ARMH4: variants seen among roughly 807,000 people sequenced by gnomAD.
The protein encoded by ARMH4 is armadillo like helical domain containing 4, also known as armadillo-like helical domain-containing protein 4.
Under a neutral mutation model 61.9 loss-of-function variants are expected in ARMH4, and 49 were observed. That is an observed-to-expected ratio of 0.79 (90% confidence interval 0.63 to 1.00). The LOEUF is 1.00. ARMH4 is among the 50% of genes least tolerant of loss of function. The probability of loss-of-function intolerance (pLI) is 0.00; values close to 1 mark genes in which losing one functional copy is unlikely to be tolerated. For synonymous variants in ARMH4, 368 were observed against 341.5 expected (o/e 1.08, Z -0.85); for missense variants, 934 against 930.0 (o/e 1.00, Z -0.06).
chr14:58,102,861 C>T (rs545794685), intron 4 of ARMH4, among the ~76,000 whole-genome samples: 93 of 148,058 alleles, frequency 6.3e-4, no homozygotes, highest in African/African-American at 2.1e-3. Flanking sequence ...AGGTCAGGCA[C>T]GGTGGCTCAC....
intron 5 of ARMH4, among the ~76,000 whole-genome samples, chr14:58,031,345 CA>C (rs1464896126): frequency 3.9e-5 from 6 of 152,154 alleles, no homozygotes; most frequent in Non-Finnish European, 5.9e-5. Flanking sequence ...TGTTTTTACC[CA>C]GTAACAAACA....
At chr14:58,142,735 G>C (rs1887607369) in intron 1 of ARMH4, among the ~76,000 whole-genome samples, 1 of 152,064 alleles carries the variant, frequency 6.6e-6, no homozygotes, top group Admixed American at 6.6e-5. Context: ...GCCTCCCAAA[G>C]TGCTGAAATT....
At chr14:58,094,810 C>T (rs1268029914) in intron 5 of ARMH4, among the ~76,000 whole-genome samples, 1 of 152,144 alleles carries the variant, frequency 6.6e-6, no homozygotes, top group East Asian at 1.9e-4. Context: ...TGCAAAGGGG[C>T]ATGAGGAATC....
rs1054208208 is a variant in ARMH4, at chr14:58,138,082, T to C, written c.1277A>G (p.Lys426Arg). Residue 426 changes from lysine to arginine, a missense_variant, in exon 2 of 8, where the codon AAG (lysine) becomes AGG (arginine). Transcript: ENST00000267485. ...QSTGDFTEST[K>R]ENDALFFLET... Reference sequence around the variant, plus strand: ...TAAGAAAAACAGGGCATCGTTTTCCTTGGTGGATTCCGTGAAGTCTCCCGT... The same window carrying C: ...TAAGAAAAACAGGGCATCGTTTTCCCTGGTGGATTCCGTGAAGTCTCCCGT... 18 of 1,614,128 alleles carry C rather than the reference T, an allele frequency of 1.1e-5. No individual in the cohort carries two copies. The highest frequency in any genetic ancestry group is 1.5e-5 in the Non-Finnish European group (18 of 1,180,056).
intron 4 of ARMH4, among the ~76,000 whole-genome samples, chr14:58,120,091 A>C (rs1886673110): frequency 6.6e-6 from 1 of 152,152 alleles, no homozygotes; most frequent in African/African-American, 2.4e-5. Flanking sequence ...TAGACCTACT[A>C]CACATGTAGG....
rs1882084455 is a variant in ARMH4, at chr14:58,004,467, A to G, written c.*269T>C. The stretch of plus-strand genomic sequence containing the variant: ...TGCCTAATGTAGCAACTCCTACTGA[A>G]AAACATATATGTTGCATATTTATGA... On this transcript the variant is annotated 3_prime_UTR_variant, in exon 8 of 8. Coordinates refer to ENST00000267485, the MANE Select transcript of ARMH4 (RefSeq NM_001001872.4). 3.5e-6 allele frequency: 1 copy of G among 286,162 alleles called. No individual in the cohort carries two copies. The highest frequency in any genetic ancestry group is 4.8e-5 in the Admixed American group (1 of 21,022). 17.7% of individuals were successfully genotyped at this position (286,162 alleles called of 1,614,324 possible).
intron 5 of ARMH4, among the ~76,000 whole-genome samples, chr14:58,065,133 T>C (rs886705673): frequency 2.0e-4 from 31 of 152,028 alleles, no homozygotes; most frequent in African/African-American, 3.4e-4. Context: ...TCCCAGCTAC[T>C]TGGGAGGCTG....
chr14:58,112,093 T>C (rs1444769946), intron 4 of ARMH4, among the ~76,000 whole-genome samples: 3 of 152,152 alleles, frequency 2.0e-5, no homozygotes, highest in African/African-American at 7.2e-5. Context: ...TGTCTCCAAA[T>C]ACAATCACAT....
At chr14:58,141,215 T>A (rs1244881573) in intron 1 of ARMH4, 1 of 259,028 alleles carries the variant, frequency 3.9e-6, no homozygotes, top group African/African-American at 2.3e-5. Context: ...AGTAAATAAT[T>A]TTCAATGAAA....
chr14:58,117,682 AAAAT>A (rs1418766081), intron 4 of ARMH4, among the ~76,000 whole-genome samples: 1 of 152,214 alleles, frequency 6.6e-6, no homozygotes, highest in Non-Finnish European at 1.5e-5. Flanking sequence ...CTTCCTCTTC[AAAAT>A]AAATATTTAA....
chr14:58,149,145 C>A (rs1319373429), intron 1 of ARMH4, among the ~76,000 whole-genome samples: 1 of 152,142 alleles, frequency 6.6e-6, no homozygotes, highest in Non-Finnish European at 1.5e-5. Context: ...ACTGCCAACA[C>A]TATTTTATTG....
chr14:58,006,931 T>TAAA (rs1347980724), intron 6 of ARMH4, among the ~76,000 whole-genome samples: 2 of 122,840 alleles, frequency 1.6e-5, no homozygotes, highest in Non-Finnish European at 3.7e-5. Context: ...AATAAATAAA[T>TAAA]TAATTAATTA....
intron 5 of ARMH4, among the ~76,000 whole-genome samples, chr14:58,057,914 G>A (rs905840233): frequency 1.3e-5 from 2 of 152,142 alleles, no homozygotes; most frequent in Admixed American, 6.6e-5. Context: ...ACCTATTTGA[G>A]TACGGCAACA....
At chr14:58,023,291 G>A (rs1882908338) in intron 5 of ARMH4, among the ~76,000 whole-genome samples, 1 of 152,112 alleles carries the variant, frequency 6.6e-6, no homozygotes, top group Non-Finnish European at 1.5e-5. Context: ...CCACTGCTTG[G>A]TGAGCTAAGG....
At chr14:58,151,054 C>T (rs1406745030) in intron 1 of ARMH4, among the ~76,000 whole-genome samples, 1 of 152,148 alleles carries the variant, frequency 6.6e-6, no homozygotes, top group Non-Finnish European at 1.5e-5. Flanking sequence ...CCTTCAGAAC[C>T]CTAGGGATGG....
At chr14:58,130,337 A>G (rs577596057) in intron 4 of ARMH4, among the ~76,000 whole-genome samples, 9 of 152,336 alleles carry the variant, frequency 5.9e-5, no homozygotes, top group African/African-American at 2.2e-4. Flanking sequence ...GTCAGCAGCC[A>G]ACCAGTGTTA....
chr14:58,098,228 T>C (rs1312508226), intron 4 of ARMH4, among the ~76,000 whole-genome samples: 1 of 152,114 alleles, frequency 6.6e-6, no homozygotes, highest in Non-Finnish European at 1.5e-5. Context: ...TCAGAGGCTT[T>C]TTAACTTTTA....
At chr14:58,062,897 G>A (rs555209425) in intron 5 of ARMH4, among the ~76,000 whole-genome samples, 1 of 152,302 alleles carries the variant, frequency 6.6e-6, no homozygotes, top group South Asian at 2.1e-4. Context: ...TGGCCATGAA[G>A]GGGAGAAGAG....
rs1882516895 is a variant in ARMH4, at chr14:58,014,228, C to T, written c.2090-2078G>A. On this transcript the variant is annotated intron_variant, in intron 5 of 7. Transcript: ENST00000267485. ...TCATGCAGAGCCCTTGTCAAGACCT[C>T]TCTCTTGTCCTTCCCTCCTAGCTCC... Among the ~76,000 whole-genome samples the T allele has an allele frequency of 2.0e-5, 3 of 152,176 alleles. No individual in the cohort carries two copies. The South Asian group carries it at 6.2e-4, about 32-fold the overall frequency.
Sources: allele counts gnomAD v4.1 joint callset (sites outside exome capture counted in the v4.1 genomes callset), GRCh38; gene constraint gnomAD v4.1.1; transcripts MANE v1.5; gene names NCBI Gene and HGNC (gene_info 2026-07-23, HGNC 2026-07-21).